Variants in CNTN1 observed in about 807,000 individuals in gnomAD.
The protein encoded by CNTN1 is contactin 1.
CNTN1 carries 38 observed loss-of-function variants against 126.4 expected under a neutral mutation model. That is an observed-to-expected ratio of 0.30 (90% CI 0.23 to 0.39). The LOEUF is 0.39. Ranked by LOEUF, CNTN1 falls within the 10% of genes least tolerant of loss-of-function variation. CNTN1 has a pLI of 1.00. For missense variants in CNTN1, 1,009 were observed against 1,248.4 expected, an observed-to-expected ratio of 0.81 and a Z score of 2.89; for synonymous variants, 413 against 422.6, an observed-to-expected ratio of 0.98 and a Z score of 0.28.
chr12:40,823,550 AGCAATTGTATAT>A (rs1299446921), intron 1 of CNTN1, among the ~76,000 whole-genome samples: 1 of 152,254 alleles, frequency 6.6e-6, no homozygotes, highest in African/African-American at 2.4e-5. Flanking sequence ...AATGCAAATT[AGCAATTGTATAT>A]GCAATTGTAT....
At chr12:40,921,858 G>A (rs1213165624) in intron 4 of CNTN1, among the ~76,000 whole-genome samples, 5 of 152,192 alleles carry the variant, frequency 3.3e-5, no homozygotes, top group East Asian at 1.9e-4. Flanking sequence ...TTGATATTTT[G>A]TATTTTATTT....
intron 1 of CNTN1, among the ~76,000 whole-genome samples, chr12:40,701,248 T>C (rs985293082): frequency 5.9e-5 from 9 of 152,334 alleles, no homozygotes; most frequent in Admixed American, 5.2e-4. Flanking sequence ...TTCACTACAG[T>C]AATTTACATG....
intron 1 of CNTN1, among the ~76,000 whole-genome samples, chr12:40,896,452 G>T (rs1386917724): frequency 6.6e-6 from 1 of 152,060 alleles, no homozygotes; most frequent in Non-Finnish European, 1.5e-5. Context: ...AATCCACTGA[G>T]CCATGTGCAT....
chr12:40,741,633 AT>A (rs1421272832), intron 1 of CNTN1, among the ~76,000 whole-genome samples: 1 of 152,106 alleles, frequency 6.6e-6, no homozygotes, highest in Non-Finnish European at 1.5e-5. Context: ...TAGTATGTGC[AT>A]TAGGCATTAA....
intron 1 of CNTN1, among the ~76,000 whole-genome samples, chr12:40,818,734 TGGGGGAGA>T (rs984211439): frequency 6.6e-6 from 1 of 152,184 alleles, no homozygotes; most frequent in African/African-American, 2.4e-5. Context: ...TGCAATTATT[TGGGGGAGA>T]GGAGGCACTC....
chr12:40,923,841 C>T (rs1423455081), intron 5 of CNTN1, among the ~76,000 whole-genome samples: 1 of 152,082 alleles, frequency 6.6e-6, no homozygotes, highest in Admixed American at 6.6e-5. Flanking sequence ...CAGAGGTATA[C>T]ACTTTATACT....
intron 1 of CNTN1, among the ~76,000 whole-genome samples, chr12:40,895,061 C>T (rs965603160): frequency 2.6e-5 from 4 of 152,146 alleles, no homozygotes; most frequent in Admixed American, 2.6e-4. Context: ...GACTGCGACT[C>T]AAGTTTCTGT....
At chr12:40,840,379 A>G (rs990546250) in intron 1 of CNTN1, among the ~76,000 whole-genome samples, 1 of 151,960 alleles carries the variant, frequency 6.6e-6, no homozygotes, top group Non-Finnish European at 1.5e-5. Flanking sequence ...GAGAGAGGCT[A>G]TAAAGAATAA....
At chr12:40,975,014 C>T (rs1037011082) in intron 15 of CNTN1, among the ~76,000 whole-genome samples, 15 of 151,686 alleles carry the variant, frequency 9.9e-5, no homozygotes, top group African/African-American at 3.4e-4. Context: ...CAGACAGGCA[C>T]ATTTAAGCTG....
At chr12:40,703,584 G>T (rs2405295) in intron 1 of CNTN1, among the ~76,000 whole-genome samples, 100,160 of 152,000 alleles carry the variant, frequency 0.66, 33,317 homozygotes, top group East Asian at 0.86. Context: ...TTGATTTAGG[G>T]AATTAGGCTA....
At chr12:41,015,542 T>TAC (rs1948761348) in intron 18 of CNTN1, among the ~76,000 whole-genome samples, 1 of 152,168 alleles carries the variant, frequency 6.6e-6, no homozygotes, top group South Asian at 2.1e-4. Context: ...TGTTAGGCTA[T>TAC]ACTATCTAAT....
At chr12:41,067,516 A>T (rs1244229556) in intron 23 of CNTN1, among the ~76,000 whole-genome samples, 1 of 151,466 alleles carries the variant, frequency 6.6e-6, no homozygotes, top group Non-Finnish European at 1.5e-5. Context: ...CTATCACAAG[A>T]ACAAAAAACC....
chr12:40,993,065 TA>T, intron 16 of CNTN1, 54 bp from the exon 17 acceptor site: 1 of 1,511,586 alleles, frequency 6.6e-7, no homozygotes, highest in Non-Finnish European at 9.2e-7. Context: ...AGGGAAGTTA[TA>T]AAAGTGATAA....
In CNTN1 at chr12:41,056,552, G is replaced by A. The variant is rs74076966; in HGVS notation, c.2981-13407G>A. ...TTCTATAAGTAACTACTATATTGCAGAATAAATAGTGAATGCCAGATAGGC... is the reference window on the plus strand; with the variant it reads ...TTCTATAAGTAACTACTATATTGCAAAATAAATAGTGAATGCCAGATAGGC... On this transcript the variant is annotated intron_variant, in intron 23 of 23. Transcript: ENST00000551295. 3.1e-3 allele frequency among the ~76,000 whole-genome samples: 471 copies of A among 152,174 alleles called. 3 individuals are homozygous for A. The highest frequency in any genetic ancestry group is 0.011 in the African/African-American group (459 of 41,544).
chr12:40,902,687 G>A (rs964100962), intron 1 of CNTN1, among the ~76,000 whole-genome samples: 2 of 152,100 alleles, frequency 1.3e-5, no homozygotes, highest in Non-Finnish European at 2.9e-5. Context: ...TCATCAGTGC[G>A]ATGAAAAGCT....
rs144899545 is a variant in CNTN1 at position 40,820,597 on chromosome 12, G to A, written c.-76-87760G>A. ...GGAGTGGTCATGATTCTAGAGTTTG[G>A]TGGGGTTTGGGAGGTAGCATCACAA... On this transcript the variant is annotated intron_variant, in intron 1 of 23. Coordinates refer to ENST00000551295, the MANE Select transcript of CNTN1 (RefSeq NM_001843.4). Among the ~76,000 whole-genome samples the A allele has an allele frequency of 6.1e-3, 931 of 152,264 alleles. 3 individuals carry two copies. Among genetic ancestry groups the A allele is most frequent in the Non-Finnish European group, 9.3e-3 (631 of 68,008 alleles).
intron 1 of CNTN1, among the ~76,000 whole-genome samples, chr12:40,884,402 T>C (rs1036254385): frequency 2.0e-5 from 3 of 151,568 alleles, no homozygotes; most frequent in Admixed American, 2.0e-4. Context: ...TTCCCTAATA[T>C]TTTTATCATA....
chr12:40,947,780 T>TACACAC (rs1254129058), intron 14 of CNTN1, among the ~76,000 whole-genome samples: 180 of 67,574 alleles, frequency 2.7e-3, no homozygotes, highest in Non-Finnish European at 2.8e-3. Context: ...TATATATATA[T>TACACAC]ATACACACAC....
intron 15 of CNTN1, among the ~76,000 whole-genome samples, chr12:40,966,886 C>T (rs1432556836): frequency 6.6e-6 from 1 of 151,990 alleles, no homozygotes; most frequent in Non-Finnish European, 1.5e-5. Flanking sequence ...TTTTTCTTTC[C>T]CTCCACACTA....
Sources: allele counts gnomAD v4.1 joint callset (sites outside exome capture counted in the v4.1 genomes callset), GRCh38; gene constraint gnomAD v4.1.1; transcripts MANE v1.5; gene names NCBI Gene and HGNC (gene_info 2026-07-23, HGNC 2026-07-21).